The following PIEZO2 variants were observed in gnomAD, a reference collection of about 807,000 sequenced individuals.
PIEZO2 encodes the protein piezo-type mechanosensitive ion channel component 2.
In PIEZO2, 172 loss-of-function variants were observed where a neutral mutation model predicts 337.3. The ratio of observed to expected loss-of-function variants is 0.51; its 90% CI spans 0.45 to 0.58. The LOEUF is 0.58. Among genes scored for constraint, PIEZO2 ranks in the 20% least tolerant of loss-of-function variants. The pLI, the probability that PIEZO2 is intolerant of heterozygous loss-of-function variation, is 0.00. For synonymous variants in PIEZO2, 1,251 were observed against 1,228.5 expected, an observed-to-expected ratio of 1.02 and a Z score of -0.38; for missense variants, 3,028 against 3,391.3, an observed-to-expected ratio of 0.89 and a Z score of 2.66.
intron 36 of PIEZO2, chr18:10,725,226 C>T: frequency 6.4e-7 from 1 of 1,567,090 alleles, no homozygotes; most frequent in Non-Finnish European, 8.8e-7. Flanking sequence ...AGTTTGGAAC[C>T]TACGAACACT....
chr18:10,960,105 A>AGCT, intron 3 of PIEZO2, among the ~76,000 whole-genome samples: 1 of 152,200 alleles, frequency 6.6e-6, no homozygotes, highest in Non-Finnish European at 1.5e-5. Flanking sequence ...TAAGGCTGTG[A>AGCT]GCTTGATCTG....
At chr18:10,717,137 G>A (rs897412851) in intron 37 of PIEZO2, among the ~76,000 whole-genome samples, 4 of 152,132 alleles carry the variant, frequency 2.6e-5, no homozygotes, top group Admixed American at 1.3e-4. Flanking sequence ...AGGTTAAGTC[G>A]GTTAATCTCT....
At position 10,920,118 on chromosome 18, in the gene PIEZO2, A is replaced by C. The variant is rs1287116422; in HGVS notation, c.287-8890T>G. ...GATTCGCACTAACTAGAAACTGGGC[A>C]ACTGTGTCATTCCTGAATAGAAGCC... On this transcript the variant is annotated intron_variant, in intron 3 of 55. Transcript: ENST00000674853. 2.6e-5 allele frequency among the ~76,000 whole-genome samples: 4 copies of C among 152,174 alleles called. 1 individual carries two copies. The highest frequency in any genetic ancestry group is 2.6e-4 in the Admixed American group (4 of 15,284).
rs916555198 is a variant in PIEZO2 at position 10,953,622 on chromosome 18, T to C, written c.286+25913A>G. Among the ~76,000 whole-genome samples, 1 of 152,192 alleles carries C rather than the reference T, an allele frequency of 6.6e-6. No homozygotes were observed. Among genetic ancestry groups the C allele is most frequent in the Admixed American group, 6.5e-5 (1 of 15,280 alleles). ...AACTGGCTTGATTACTGTGGTTTTATAGTGCTATGATGACCTCGTATTCAC... is the reference window on the plus strand; with the variant it reads ...AACTGGCTTGATTACTGTGGTTTTACAGTGCTATGATGACCTCGTATTCAC... On this transcript the variant is annotated intron_variant, in intron 3 of 55. Transcript: ENST00000674853. This position sits in a 1 kb window ranked among gnomAD's most constrained non-coding sequence, Gnocchi z 5.2.
At chr18:10,762,405 A>G in intron 23 of PIEZO2, 95 bp downstream of exon 23, 1 of 1,393,244 alleles carries the variant, frequency 7.2e-7, no homozygotes, top group Non-Finnish European at 9.6e-7. Context: ...AGATATGGTT[A>G]CTATCAAATG....
Position 10,696,471 on chromosome 18 carries a change from A to G in PIEZO2, c.6896T>C (p.Val2299Ala), listed in dbSNP as rs761717273. 1 of 1,614,174 alleles carries G rather than the reference A, an allele frequency of 6.2e-7. No homozygotes were observed. Among genetic ancestry groups the G allele is most frequent in the East Asian group, 2.2e-5 (1 of 44,886 alleles). ...GAACATGAGTACATACACGTCAGTCACGGCGCTATACTCCGGGTGGATGAG... is the reference window on the plus strand; with the variant it reads ...GAACATGAGTACATACACGTCAGTCGCGGCGCTATACTCCGGGTGGATGAG... ...YNLIHPEYSA[V>A]TDVYVLMFLA... The change falls in exon 46 of 56, where the codon GTG (valine) becomes GCG (alanine). Residue 2299 changes from valine to alanine, a missense_variant. Coordinates refer to ENST00000674853, the MANE Select transcript of PIEZO2 (RefSeq NM_001378183.1).
rs968722361 is a variant in PIEZO2 at position 10,859,533 on chromosome 18, C to T, written c.493-2322G>A. ...AGAGAACAGCCCAGCCATCCTGGCT[C>T]TCTCTCCTGCATCACAATGTGCTTT... On this transcript the variant is annotated intron_variant, in intron 5 of 55. Coordinates refer to ENST00000674853, the MANE Select transcript of PIEZO2 (RefSeq NM_001378183.1). The surrounding 1 kb of genome is among the most constrained non-coding windows in gnomAD (Gnocchi z 4.9). Among the ~76,000 whole-genome samples, 2 of 152,222 alleles carry T rather than the reference C, an allele frequency of 1.3e-5. No homozygotes were observed. The highest frequency in any genetic ancestry group is 2.4e-5 in the African/African-American group (1 of 41,462).
At chr18:10,966,521 G>A (rs1266541358) in intron 3 of PIEZO2, among the ~76,000 whole-genome samples, 4 of 152,118 alleles carry the variant, frequency 2.6e-5, no homozygotes, top group Admixed American at 2.0e-4. Context: ...TTGCCCATAA[G>A]AGAAATCCAC....
rs1310612315 is a variant in PIEZO2 at position 10,952,385 on chromosome 18, C to G, written c.286+27150G>C. Among the ~76,000 whole-genome samples the G allele has an allele frequency of 2.6e-5, 3 of 114,744 alleles. No homozygotes were observed. Among genetic ancestry groups the G allele is most frequent in the African/African-American group, 1.5e-4 (3 of 19,510 alleles). 75.3% of individuals were successfully genotyped at this position (114,744 alleles called of 152,430 possible). The stretch of plus-strand genomic sequence containing the variant: ...CCATGGTCATTGTAGTCAGCCACTC[C>G]CCTGATCCTCCACCCCATGGTGAGC... On this transcript the variant is annotated intron_variant, in intron 3 of 55. Transcript: ENST00000674853. The surrounding 1 kb of genome is among the most constrained non-coding windows in gnomAD (Gnocchi z 4.1).
intron 39 of PIEZO2, among the ~76,000 whole-genome samples, chr18:10,711,112 T>C (rs1416330263): frequency 5.3e-5 from 8 of 152,208 alleles, no homozygotes; most frequent in Non-Finnish European, 1.2e-4. Context: ...TAACTCACAA[T>C]TTTTTATCAT....
At chr18:10,762,805 G>C (rs905288366) in intron 22 of PIEZO2, 117 bp downstream of exon 22, 9 of 1,348,668 alleles carry the variant, frequency 6.7e-6, no homozygotes, top group Non-Finnish European at 5.0e-6. Flanking sequence ...ACCAGCCAGG[G>C]AGAGGTGACT....
At chr18:10,891,937 A>G (rs1323409035) in intron 4 of PIEZO2, among the ~76,000 whole-genome samples, 1 of 152,210 alleles carries the variant, frequency 6.6e-6, no homozygotes. Flanking sequence ...ATCTTTAAAT[A>G]TGTTTCTTCA....
At chr18:11,014,356 C>A (rs1380504093) in intron 2 of PIEZO2, among the ~76,000 whole-genome samples, 1 of 141,436 alleles carries the variant, frequency 7.1e-6, no homozygotes, top group Admixed American at 7.1e-5. Context: ...GGGCACGTCA[C>A]CCTGGACAGG....
intron 3 of PIEZO2, among the ~76,000 whole-genome samples, chr18:10,914,712 G>A (rs1035074051): frequency 4.3e-4 from 66 of 152,258 alleles, no homozygotes; most frequent in Admixed American, 5.2e-4. Flanking sequence ...CTTAGATGAA[G>A]CAGTTAGAAA....
chr18:11,116,672 G>A lies in PIEZO2; in HGVS notation c.64+31853C>T, dbSNP rs933922898. On this transcript the variant is annotated intron_variant, in intron 1 of 55. Transcript: ENST00000674853. The surrounding 1 kb of genome is among the most constrained non-coding windows in gnomAD (Gnocchi z 5.0). The stretch of plus-strand genomic sequence containing the variant: ...CGTAGCTTGCAGTGAGCCGAGATCC[G>A]CCACCGCACTCCAGCCTGGGCGACA... Among the ~76,000 whole-genome samples, 1 of 151,110 alleles carries A rather than the reference G, an allele frequency of 6.6e-6. No individual in the cohort carries two copies. Among genetic ancestry groups the A allele is most frequent in the African/African-American group, 2.4e-5 (1 of 41,014 alleles).
chr18:11,005,231 A>G (rs980602707), intron 2 of PIEZO2, among the ~76,000 whole-genome samples: 2 of 152,244 alleles, frequency 1.3e-5, no homozygotes, highest in African/African-American at 2.4e-5. Context: ...GCATTCTTCC[A>G]GCAATTACCT....
chr18:10,774,141 T>C (rs2038704152), intron 18 of PIEZO2, 103 bp from the exon 19 acceptor site: 1 of 681,424 alleles, frequency 1.5e-6, no homozygotes, highest in Admixed American at 2.1e-5. Flanking sequence ...CATCCACTAT[T>C]GCATTCCTGT....
In PIEZO2 at chr18:10,813,990, T is replaced by TG. The variant is rs1490443918; in HGVS notation, c.918-6717dup. ...CCATATATTTTTTTTTTTTTTGAGATGGAGTTTTGCTCTGTGGCCCAGGCT... is the reference window on the plus strand; with the variant it reads ...CCATATATTTTTTTTTTTTTTGAGATGGGAGTTTTGCTCTGTGGCCCAGGCT... On this transcript the variant is annotated intron_variant, in intron 7 of 55. Coordinates refer to ENST00000674853, the MANE Select transcript of PIEZO2 (RefSeq NM_001378183.1). The surrounding 1 kb of genome is among the most constrained non-coding windows in gnomAD (Gnocchi z 4.2). 1.3e-5 allele frequency among the ~76,000 whole-genome samples: 2 copies of TG among 151,230 alleles called. No homozygotes were observed. The highest frequency in any genetic ancestry group is 4.9e-5 in the African/African-American group (2 of 41,080).
intron 3 of PIEZO2, among the ~76,000 whole-genome samples, chr18:10,931,447 C>T (rs1227979890): frequency 6.6e-6 from 1 of 152,186 alleles, no homozygotes; most frequent in Non-Finnish European, 1.5e-5. Context: ...GATCCGCCTG[C>T]CTTGGCCTCC....
Sources: gnomAD v4.1 joint callset for allele counts (sites outside exome capture counted in the v4.1 genomes callset) on GRCh38, gnomAD v4.1.1 for gene constraint, Gnocchi (gnomAD v3.1) non-coding constraint, MANE v1.5 for transcripts, NCBI Gene and HGNC (gene_info 2026-07-23, HGNC 2026-07-21) for gene names.